Variants in TMCC1 observed in about 807,000 individuals in gnomAD.
TMCC1 encodes transmembrane and coiled-coil domains protein 1.
TMCC1 carries 15 observed loss-of-function variants against 52.4 expected under a neutral mutation model. The ratio of observed to expected loss-of-function variants is 0.29; its 90% CI spans 0.19 to 0.44. The LOEUF (loss-of-function observed/expected upper bound fraction) is 0.44, where lower values mean the gene tolerates loss of function less well. TMCC1 is among the 20% of genes least tolerant of loss of function. The pLI, the probability that TMCC1 is intolerant of heterozygous loss-of-function variation, is 1.00. For synonymous variants in TMCC1, 279 were observed against 301.9 expected (o/e 0.92, Z 0.79); for missense variants, 503 against 806.0 (o/e 0.62, Z 4.55).
intron 2 of TMCC1, among the ~76,000 whole-genome samples, chr3:129,877,619 TAA>T (rs1157055393): frequency 6.8e-6 from 1 of 147,540 alleles, no homozygotes; most frequent in Non-Finnish European, 1.5e-5. Context: ...TCAACATCCC[TAA>T]GTCTTTTTTT....
intron 4 of TMCC1, among the ~76,000 whole-genome samples, chr3:129,796,280 T>G (rs568922998): frequency 6.6e-6 from 1 of 152,292 alleles, no homozygotes; most frequent in Admixed American, 6.5e-5. Flanking sequence ...CCGAGGTGTG[T>G]AGTAGGTTAT....
intron 4 of TMCC1, among the ~76,000 whole-genome samples, chr3:129,698,762 G>A (rs753595586): frequency 1.3e-5 from 2 of 151,844 alleles, no homozygotes; most frequent in African/African-American, 2.4e-5. Context: ...ATATTTTTAC[G>A]TTTTTAAGGA....
At chr3:129,827,223 A>C (rs574129824) in intron 4 of TMCC1, among the ~76,000 whole-genome samples, 1 of 152,224 alleles carries the variant, frequency 6.6e-6, no homozygotes, top group South Asian at 2.1e-4. Context: ...GTTATATGGA[A>C]AAAGTTTCTC....
intron 4 of TMCC1, among the ~76,000 whole-genome samples, chr3:129,761,194 G>T (rs1301442368): frequency 6.6e-6 from 1 of 152,062 alleles, no homozygotes; most frequent in South Asian, 2.1e-4. Flanking sequence ...CGGGCGTAGT[G>T]GCAGGCGCCT....
intron 4 of TMCC1, among the ~76,000 whole-genome samples, chr3:129,683,269 T>C (rs983792978): frequency 1.3e-5 from 2 of 152,252 alleles, no homozygotes; most frequent in African/African-American, 4.8e-5. Flanking sequence ...TTCTACCTTG[T>C]ACACCACTGG....
rs904100909 is a variant in TMCC1, at chr3:129,750,808, C to T, written c.576+76995G>A. Among the ~76,000 whole-genome samples, 5 of 150,072 alleles carry T rather than the reference C, an allele frequency of 3.3e-5. No homozygotes were observed. In the South Asian group the frequency reaches 6.2e-4, roughly 19 times the overall value. Reference sequence around the variant, plus strand: ...GCCAGGCTGGTCTCGATCTCCTGACCTTGTGATCCACCCGCCACAGCCTCC... The same window carrying T: ...GCCAGGCTGGTCTCGATCTCCTGACTTTGTGATCCACCCGCCACAGCCTCC... On this transcript the variant is annotated intron_variant, in intron 4 of 6. Coordinates refer to ENST00000393238, the MANE Select transcript of TMCC1 (RefSeq NM_001017395.5).
chr3:129,801,485 G>A (rs190471681), intron 4 of TMCC1, among the ~76,000 whole-genome samples: 53 of 151,686 alleles, frequency 3.5e-4, no homozygotes, highest in Admixed American at 3.1e-3. Flanking sequence ...TTCCCGAGAC[G>A]GAGTCTTGTC....
chr3:129,834,878 C>A (rs1050516720), intron 2 of TMCC1, among the ~76,000 whole-genome samples: 3 of 152,200 alleles, frequency 2.0e-5, no homozygotes, highest in African/African-American at 7.2e-5. Context: ...CATCCTCCTG[C>A]ATCTTATTTC....
At chr3:129,748,991 C>T (rs1560325126) in intron 4 of TMCC1, among the ~76,000 whole-genome samples, 2 of 151,998 alleles carry the variant, frequency 1.3e-5, no homozygotes, top group Non-Finnish European at 2.9e-5. Context: ...CACCACTGCA[C>T]ACCAGCCTGA....
At chr3:129,675,720 G>A (rs111943418) in intron 4 of TMCC1, among the ~76,000 whole-genome samples, 124 of 152,218 alleles carry the variant, frequency 8.1e-4, no homozygotes, top group Middle Eastern at 6.8e-3. Context: ...TATACACTTG[G>A]CTAGCTAACC....
rs778383528 is a variant in TMCC1 at position 129,828,367 on chromosome 3, C to A, written c.12G>T (p.Ser4=). MEP[S]GSEQLFEDPD... is the part of the protein sequence containing the mutation. ...GGTCCTCAAATAACTGTTCACTGCCCGAAGGCTCCATCAGTAGACTTAATA... is the reference window on the plus strand; with the variant it reads ...GGTCCTCAAATAACTGTTCACTGCCAGAAGGCTCCATCAGTAGACTTAATA... Residue 4 remains serine (S), a synonymous_variant, in exon 4 of 7, where the codon TCG becomes TCT. Coordinates refer to ENST00000393238, the MANE Select transcript of TMCC1 (RefSeq NM_001017395.5). The surrounding 1 kb of genome is among the most constrained non-coding windows in gnomAD (Gnocchi z 4.1). The A allele has an allele frequency of 9.3e-6, 15 of 1,613,386 alleles. No homozygotes were observed. In the Admixed American group the frequency reaches 2.2e-4, roughly 23 times the overall value.
chr3:129,764,084 T>C (rs1296719315), intron 4 of TMCC1, among the ~76,000 whole-genome samples: 1 of 152,190 alleles, frequency 6.6e-6, no homozygotes, highest in African/African-American at 2.4e-5. Context: ...ATCTTCCTGG[T>C]AGACAAAATT....
At chr3:129,715,406 A>C (rs1180647719) in intron 4 of TMCC1, among the ~76,000 whole-genome samples, 1 of 152,102 alleles carries the variant, frequency 6.6e-6, no homozygotes, top group Non-Finnish European at 1.5e-5. Context: ...AAAATACAAA[A>C]AACACTGGCT....
intron 4 of TMCC1, among the ~76,000 whole-genome samples, chr3:129,705,689 G>A (rs147633535): frequency 8.4e-4 from 121 of 144,504 alleles, no homozygotes; most frequent in Non-Finnish European, 1.6e-3. Flanking sequence ...TGCAAGCTCC[G>A]CCTCCTGGGT....
At chr3:129,681,176 G>T (rs1244195843) in intron 4 of TMCC1, among the ~76,000 whole-genome samples, 5 of 151,998 alleles carry the variant, frequency 3.3e-5, no homozygotes, top group African/African-American at 1.2e-4. Context: ...TCAGAAAAAA[G>T]AAATACCTGG....
chr3:129,774,588 C>T (rs2054872540), intron 4 of TMCC1, among the ~76,000 whole-genome samples: 1 of 152,078 alleles, frequency 6.6e-6, no homozygotes, highest in African/African-American at 2.4e-5. Context: ...TAAGAGAATA[C>T]AAAAGAGGGG....
intron 4 of TMCC1, among the ~76,000 whole-genome samples, chr3:129,821,170 T>A (rs892762027): frequency 6.6e-6 from 1 of 152,174 alleles, no homozygotes; most frequent in African/African-American, 2.4e-5. Context: ...CTCCCCACAC[T>A]AAGTACATGA....
intron 1 of TMCC1, among the ~76,000 whole-genome samples, chr3:129,881,811 A>ATGTATTTCATTTTATAT (rs2061474274): frequency 6.6e-6 from 1 of 152,214 alleles, no homozygotes; most frequent in Admixed American, 6.5e-5. Flanking sequence ...AAACTATCCA[A>ATGTATTTCATTTTATAT]AATGAAACCC....
At chr3:129,882,342 T>TAA (rs372196917) in intron 1 of TMCC1, among the ~76,000 whole-genome samples, 3 of 143,560 alleles carry the variant, frequency 2.1e-5, no homozygotes, top group Admixed American at 7.0e-5. Flanking sequence ...TAGCTATGAT[T>TAA]AAAAAAAAAA....
Sources: gnomAD v4.1 joint callset for allele counts (sites outside exome capture counted in the v4.1 genomes callset) on GRCh38, gnomAD v4.1.1 for gene constraint, Gnocchi (gnomAD v3.1) non-coding constraint, MANE v1.5 for transcripts, NCBI Gene and HGNC (gene_info 2026-07-23, HGNC 2026-07-21) for gene names.